Variants in EPS8 observed in about 807,000 individuals in gnomAD.
EPS8 encodes epidermal growth factor receptor kinase substrate 8.
Under a neutral mutation model 103.8 loss-of-function variants are expected in EPS8, and 42 were observed. The ratio of observed to expected loss-of-function variants is 0.40; its 90% CI spans 0.32 to 0.52. EPS8 has a LOEUF of 0.52. Among genes scored for constraint, EPS8 ranks in the 20% least tolerant of loss-of-function variants. The pLI is 0.40. For missense variants in EPS8, 969 were observed against 1,005.1 expected, an observed-to-expected ratio of 0.96 and a Z score of 0.49; for synonymous variants, 344 against 344.6, an observed-to-expected ratio of 1.00 and a Z score of 0.02.
chr12:15,664,885 C>A (rs1237400111), intron 8 of EPS8: 1 of 152,130 alleles, frequency 6.6e-6, no homozygotes, highest in Non-Finnish European at 1.5e-5. Context: ...ATAAACATTT[C>A]AGATTCTAGT....
Position 15,669,412 on chromosome 12 carries a change from T to C in EPS8, c.491A>G (p.His164Arg). The C allele has an allele frequency of 8.1e-6, 13 of 1,613,324 alleles. No homozygotes were observed. Among genetic ancestry groups the C allele is most frequent in the Non-Finnish European group, 1.1e-5 (13 of 1,179,802 alleles). The change falls in exon 6 of 21, where the codon CAT becomes CGT. Residue 164 changes from histidine to arginine, a missense_variant. Physicochemically the swap from His to Arg is conservative, Grantham distance 29 (BLOSUM62 0). Transcript: ENST00000281172. ...KEPTQNKPDLHLFQCDEVKAN... is the reference protein window; with the variant it reads ...KEPTQNKPDLRLFQCDEVKAN... ...CTTAACCTCATCACACTGGAAGAGA[T>C]GAAGATCTGGCTTGTTCTGGGTTGG...
chr12:15,700,650 T>C lies in EPS8; in HGVS notation c.-21-17678A>G, dbSNP rs1222443718. Among the ~76,000 whole-genome samples the C allele has an allele frequency of 6.6e-6, 1 of 152,190 alleles. No individual in the cohort carries two copies. The highest frequency in any genetic ancestry group is 1.5e-5 in the Non-Finnish European group (1 of 68,034). On this transcript the variant is annotated intron_variant, in intron 1 of 20. Transcript: ENST00000281172. The surrounding 1 kb of genome is among the most constrained non-coding windows in gnomAD (Gnocchi z 5.1). Reference sequence around the variant, plus strand: ...AAACCAATGAAGGCACTGCTCTTAGTGTAGCCATGTATCAATGATGATTTT... The same window carrying C: ...AAACCAATGAAGGCACTGCTCTTAGCGTAGCCATGTATCAATGATGATTTT...
chr12:15,676,032 G>T (rs1272416854), intron 3 of EPS8, among the ~76,000 whole-genome samples: 1 of 152,024 alleles, frequency 6.6e-6, no homozygotes, highest in Non-Finnish European at 1.5e-5. Flanking sequence ...CAGCACTTTG[G>T]GAGACGGAGG....
At chr12:15,666,406 A>G in intron 7 of EPS8, 34 bp downstream of exon 7, 3 of 1,520,628 alleles carry the variant, frequency 2.0e-6, no homozygotes, top group Non-Finnish European at 2.7e-6. Flanking sequence ...GAAACAAATC[A>G]ATTCCACTCC....
intron 12 of EPS8, among the ~76,000 whole-genome samples, chr12:15,655,239 A>C (rs1439156584): frequency 6.6e-6 from 1 of 152,114 alleles, no homozygotes; most frequent in Non-Finnish European, 1.5e-5. Context: ...GCCTGTGTTA[A>C]CCCCACAGTG....
rs946204187 is a variant in EPS8, at chr12:15,693,895, T to C, written c.-21-10923A>G. On this transcript the variant is annotated intron_variant, in intron 1 of 20. Transcript: ENST00000281172. The surrounding 1 kb of genome is among the most constrained non-coding windows in gnomAD (Gnocchi z 5.6). ...AAAATACACACCAAGGCCTGTCAGA[T>C]GGAGGTGGGGCAAGAGGAGGGAGAG... Among the ~76,000 whole-genome samples the C allele has an allele frequency of 1.3e-5, 2 of 151,950 alleles. No homozygotes were observed. The highest frequency in any genetic ancestry group is 2.4e-5 in the African/African-American group (1 of 41,366).
chr12:15,768,587 G>C (rs555761481), intron 1 of EPS8, among the ~76,000 whole-genome samples: 24 of 152,072 alleles, frequency 1.6e-4, no homozygotes, highest in African/African-American at 5.5e-4. Context: ...TTAAGTCACG[G>C]AATTTTCAGA....
At position 15,723,969 on chromosome 12, in the gene EPS8, T is replaced by C. The variant is rs184997338; in HGVS notation, c.-21-40997A>G. ...TACAAAAGCATCATTACATCATTTA[T>C]ATAGAGACATCTGTCATTATTCTTT... On this transcript the variant is annotated intron_variant, in intron 1 of 20. Transcript: ENST00000281172. 7.8e-4 allele frequency among the ~76,000 whole-genome samples: 119 copies of C among 152,322 alleles called. 1 individual carries two copies. Among genetic ancestry groups the C allele is most frequent in the African/African-American group, 2.2e-3 (92 of 41,588 alleles).
intron 1 of EPS8, among the ~76,000 whole-genome samples, chr12:15,755,361 A>G (rs1033845201): frequency 6.6e-6 from 1 of 152,174 alleles, no homozygotes; most frequent in African/African-American, 2.4e-5. Context: ...GGAGGAGAAA[A>G]GGGGCAAGGT....
chr12:15,766,498 A>G (rs1233380920), intron 1 of EPS8, among the ~76,000 whole-genome samples: 1 of 140,308 alleles, frequency 7.1e-6, no homozygotes, highest in African/African-American at 2.8e-5. Flanking sequence ...CTCCATCTCA[A>G]AAAAAAAAAA....
chr12:15,647,430 T>C (rs1010035697), intron 14 of EPS8, among the ~76,000 whole-genome samples, 170 bp from the exon 15 acceptor site: 3 of 152,204 alleles, frequency 2.0e-5, no homozygotes, highest in Non-Finnish European at 4.4e-5. Context: ...TGTCAAATAC[T>C]TACTTATAAT....
intron 1 of EPS8, among the ~76,000 whole-genome samples, chr12:15,699,562 A>C (rs929512414): frequency 6.6e-6 from 1 of 152,212 alleles, no homozygotes; most frequent in Non-Finnish European, 1.5e-5. Flanking sequence ...AGTTGTATTC[A>C]ACCAATTACA....
rs1306700912 is a variant in EPS8 at position 15,698,058 on chromosome 12, G to A, written c.-21-15086C>T. Among the ~76,000 whole-genome samples, 1 of 152,114 alleles carries A rather than the reference G, an allele frequency of 6.6e-6. No individual in the cohort carries two copies. Among genetic ancestry groups the A allele is most frequent in the African/African-American group, 2.4e-5 (1 of 41,426 alleles). On this transcript the variant is annotated intron_variant, in intron 1 of 20. Coordinates refer to ENST00000281172, the MANE Select transcript of EPS8 (RefSeq NM_004447.6). This position sits in a 1 kb window ranked among gnomAD's most constrained non-coding sequence, Gnocchi z 4.9. ...AATTGACACTCTTATATCCAACTTTGAGGCAACATATGTTTTACAAAGCAT... is the reference window on the plus strand; with the variant it reads ...AATTGACACTCTTATATCCAACTTTAAGGCAACATATGTTTTACAAAGCAT...
At chr12:15,650,524 A>T (rs1945393536) in intron 14 of EPS8, among the ~76,000 whole-genome samples, 1 of 152,078 alleles carries the variant, frequency 6.6e-6, no homozygotes, top group South Asian at 2.1e-4. Context: ...AAGTCATCCT[A>T]AAAAAGCTGA....
Position 15,747,792 on chromosome 12 carries a change from G to A in EPS8, c.-22+41369C>T, listed in dbSNP as rs969038899. On this transcript the variant is annotated intron_variant, in intron 1 of 20. Coordinates refer to ENST00000281172, the MANE Select transcript of EPS8 (RefSeq NM_004447.6). The surrounding 1 kb of genome is among the most constrained non-coding windows in gnomAD (Gnocchi z 4.4). ...TCCCAGCACTTTGGGAGGCCGAGGT[G>A]GGCGGATCACGAGGTCAGGAGATCG... Among the ~76,000 whole-genome samples, 3 of 152,128 alleles carry A rather than the reference G, an allele frequency of 2.0e-5. No homozygotes were observed. The highest frequency in any genetic ancestry group is 2.9e-5 in the Non-Finnish European group (2 of 68,018).
chr12:15,719,542 A>G (rs903591258), intron 1 of EPS8, among the ~76,000 whole-genome samples: 1 of 152,226 alleles, frequency 6.6e-6, no homozygotes, highest in African/African-American at 2.4e-5. Context: ...ACAGCAACAC[A>G]TGATCTGAAG....
rs557018290 is a variant in EPS8 at position 15,649,998 on chromosome 12, T to C, written c.1434+825A>G. Among the ~76,000 whole-genome samples, 17 of 152,338 alleles carry C rather than the reference T, an allele frequency of 1.1e-4. 1 individual carries two copies. The highest frequency in any genetic ancestry group is 3.8e-4 in the African/African-American group (16 of 41,598). On this transcript the variant is annotated intron_variant, in intron 14 of 20. Transcript: ENST00000281172. ...CTAACTCTTCGGGTTCTGATCATCC[T>C]ATTTGTGTTTGGTCCAGCTTTAATC...
At chr12:15,692,330 T>TGC in intron 1 of EPS8, among the ~76,000 whole-genome samples, 1 of 149,528 alleles carries the variant, frequency 6.7e-6, no homozygotes, top group East Asian at 2.0e-4. Flanking sequence ...TTTTTTTTTT[T>TGC]TTTTTTTTTT....
chr12:15,706,565 T>G lies in EPS8; in HGVS notation c.-21-23593A>C, dbSNP rs913454217. Among the ~76,000 whole-genome samples, 4 of 152,328 alleles carry G rather than the reference T, an allele frequency of 2.6e-5. No individual in the cohort carries two copies. The highest frequency in any genetic ancestry group is 6.8e-3 in the Middle Eastern group (2 of 294). On this transcript the variant is annotated intron_variant, in intron 1 of 20. Coordinates refer to ENST00000281172, the MANE Select transcript of EPS8 (RefSeq NM_004447.6). This position sits in a 1 kb window ranked among gnomAD's most constrained non-coding sequence, Gnocchi z 5.2. ...TTAGACATTTGGGCCAATATTTGCT[T>G]AATATCTGCATTTCAAAAATAAAGT...
Sources: gnomAD v4.1 joint callset for allele counts (sites outside exome capture counted in the v4.1 genomes callset) on GRCh38, gnomAD v4.1.1 for gene constraint, Gnocchi (gnomAD v3.1) non-coding constraint, MANE v1.5 for transcripts, NCBI Gene and HGNC (gene_info 2026-07-23, HGNC 2026-07-21) for gene names.